PTK7: variants seen among roughly 807,000 people sequenced by gnomAD.
PTK7 encodes protein tyrosine kinase 7 (inactive).
PTK7 carries 39 observed loss-of-function variants against 116.6 expected under a neutral mutation model. The ratio of observed to expected loss-of-function variants is 0.33; its 90% confidence interval spans 0.26 to 0.44. PTK7 has a LOEUF of 0.44. PTK7 is among the 20% of genes least tolerant of loss of function. The probability of loss-of-function intolerance (pLI) is 1.00; values close to 1 mark genes in which losing one functional copy is unlikely to be tolerated. For missense variants in PTK7, 1,169 were observed against 1,425.6 expected, an observed-to-expected ratio of 0.82 and a Z score of 2.90; for synonymous variants, 546 against 563.6, an observed-to-expected ratio of 0.97 and a Z score of 0.44.
chr6:43,129,894 G>C lies in PTK7; in HGVS notation c.470+65G>C. The C allele has an allele frequency of 6.7e-7, 1 of 1,482,510 alleles. No individual in the cohort carries two copies. Among genetic ancestry groups the C allele is most frequent in the South Asian group, 1.2e-5 (1 of 86,832 alleles). 91.8% of individuals were successfully genotyped at this position (1,482,510 alleles called of 1,614,324 possible). ...GGACAGGGATGTCTCCCCAAATCTT[G>C]GACTCTATGCGGATGTTACCTCGCT... On this transcript the variant is annotated intron_variant, in intron 3 of 19. Transcript: ENST00000230419. The surrounding 1 kb of genome is among the most constrained non-coding windows in gnomAD (Gnocchi z 4.5).
chr6:43,078,354 T>C (rs1766176333), intron 1 of PTK7, among the ~76,000 whole-genome samples: 1 of 152,014 alleles, frequency 6.6e-6, no homozygotes, highest in African/African-American at 2.4e-5. Flanking sequence ...GGTGGGGGGA[T>C]GTCTTGTGCT....
chr6:43,140,082 A>G (rs1221665608), intron 10 of PTK7, among the ~76,000 whole-genome samples: 1 of 151,546 alleles, frequency 6.6e-6, no homozygotes, highest in Non-Finnish European at 1.5e-5. Context: ...CCATTGCACC[A>G]GAGTCTGGCT....
chr6:43,108,653 C>G (rs144566792), intron 1 of PTK7, among the ~76,000 whole-genome samples: 2 of 151,476 alleles, frequency 1.3e-5, no homozygotes, highest in Non-Finnish European at 2.9e-5. Flanking sequence ...CCACCCGCCT[C>G]GGCCTCCCAA....
chr6:43,116,512 C>G (rs1168818007), intron 1 of PTK7, among the ~76,000 whole-genome samples: 2 of 152,026 alleles, frequency 1.3e-5, no homozygotes, highest in African/African-American at 4.8e-5. Flanking sequence ...GAGACTGATT[C>G]TTTCTCTTAT....
Position 43,132,496 on chromosome 6 carries a change from C to T in PTK7, c.1037C>T (p.Pro346Leu), listed in dbSNP as rs769623531. 8.1e-6 allele frequency: 13 copies of T among 1,610,324 alleles called. No homozygotes were observed. Among genetic ancestry groups the T allele is most frequent in the Admixed American group, 3.3e-5 (2 of 59,880 alleles). Residue 346 changes from proline to leucine, a missense_variant, in exon 7 of 20, where the codon CCC becomes CTC. Coordinates refer to ENST00000230419, the MANE Select transcript of PTK7 (RefSeq NM_002821.5). Reference protein sequence around the residue: ...GSEERVTCLPPKGLPEPSVWW... With the variant: ...GSEERVTCLPLKGLPEPSVWW... Reference sequence around the variant, plus strand: ...GAGGAGCGTGTGACCTGCCTTCCCCCCAAGGGTCTGCCAGAGCCCAGCGTG... The same window carrying T: ...GAGGAGCGTGTGACCTGCCTTCCCCTCAAGGGTCTGCCAGAGCCCAGCGTG...
At chr6:43,148,448 T>C (rs1385711829) in intron 17 of PTK7, among the ~76,000 whole-genome samples, 1 of 152,112 alleles carries the variant, frequency 6.6e-6, no homozygotes, top group Admixed American at 6.5e-5. Context: ...AACAAAGAAG[T>C]CTTCCTAGTA....
intron 6 of PTK7, 112 bp from the exon 7 acceptor site, chr6:43,132,309 G>A: frequency 6.7e-7 from 1 of 1,492,144 alleles, no homozygotes; most frequent in Non-Finnish European, 9.0e-7. Context: ...ATATGCAGAG[G>A]GCTGCAGGGG....
intron 7 of PTK7, among the ~76,000 whole-genome samples, chr6:43,137,997 C>T (rs904229228): frequency 1.3e-4 from 20 of 151,794 alleles, no homozygotes; most frequent in Non-Finnish European, 1.5e-4. Flanking sequence ...TTAGTAGAGA[C>T]GGGGTTTCAC....
intron 1 of PTK7, among the ~76,000 whole-genome samples, chr6:43,118,651 C>CTATA (rs1768726843): frequency 6.0e-5 from 5 of 82,684 alleles, no homozygotes; most frequent in Middle Eastern, 5.3e-3. Context: ...CTCTCTCTCT[C>CTATA]TCTCTCTCTA....
rs1770432045 is a variant in PTK7 at position 43,141,871 on chromosome 6, G to A, written c.1768+54G>A. On this transcript the variant is annotated intron_variant, in intron 11 of 19. Coordinates refer to ENST00000230419, the MANE Select transcript of PTK7 (RefSeq NM_002821.5). The surrounding 1 kb of genome is among the most constrained non-coding windows in gnomAD (Gnocchi z 4.9). ...GGAGGGCCCTCTGGGGTAGCACCGT[G>A]TACCCTGCCAGCCCCTTGGCTTACC... The A allele has an allele frequency of 6.2e-7, 1 of 1,600,900 alleles. No homozygotes were observed.
At chr6:43,137,795 ATTG>A (rs1486047130) in intron 7 of PTK7, among the ~76,000 whole-genome samples, 2 of 151,900 alleles carry the variant, frequency 1.3e-5, no homozygotes, top group Non-Finnish European at 2.9e-5. Flanking sequence ...TTTTTTTATT[ATTG>A]TTATTATTAT....
At chr6:43,116,604 TTGTGTGTGTGTG>T (rs751605217) in intron 1 of PTK7, among the ~76,000 whole-genome samples, 2,710 of 119,130 alleles carry the variant, frequency 0.023, 54 homozygotes, top group African/African-American at 0.042. Flanking sequence ...AAAAGCTGGT[TTGTGTGTGTGTG>T]TGTGTGTGTG....
At chr6:43,131,030 CACACACACACA>C (rs1769645351) in intron 5 of PTK7, among the ~76,000 whole-genome samples, 3 of 9,108 alleles carry the variant, frequency 3.3e-4, no homozygotes, top group African/African-American at 1.1e-3. Context: ...GCAAAGACAT[CACACACACACA>C]CACACACACA....
chr6:43,098,555 C>T (rs1767380790), intron 1 of PTK7, among the ~76,000 whole-genome samples: 2 of 151,876 alleles, frequency 1.3e-5, no homozygotes, highest in African/African-American at 2.4e-5. Flanking sequence ...GGGGTTTTGC[C>T]GTGTTGTCTA....
intron 17 of PTK7, among the ~76,000 whole-genome samples, chr6:43,148,979 A>T (rs1243508564): frequency 6.7e-6 from 1 of 150,064 alleles, no homozygotes; most frequent in Admixed American, 6.7e-5. Context: ...GAATCACTTG[A>T]ACCCGGGAGA....
At chr6:43,155,712 A>G (rs887857163) in intron 17 of PTK7, among the ~76,000 whole-genome samples, 11 of 152,140 alleles carry the variant, frequency 7.2e-5, no homozygotes, top group Admixed American at 2.0e-4. Flanking sequence ...ATATATTCAC[A>G]TTGGCTCAAA....
At chr6:43,093,505 A>T (rs148240560) in intron 1 of PTK7, among the ~76,000 whole-genome samples, 52 of 152,190 alleles carry the variant, frequency 3.4e-4, no homozygotes, top group African/African-American at 1.2e-3. Flanking sequence ...GCACACAGTA[A>T]ATGTCAGGAG....
intron 1 of PTK7, among the ~76,000 whole-genome samples, chr6:43,102,833 A>G (rs1767661594): frequency 6.6e-6 from 1 of 152,234 alleles, no homozygotes; most frequent in Non-Finnish European, 1.5e-5. Context: ...ATAATGCTAT[A>G]AGAAAGAATA....
intron 1 of PTK7, among the ~76,000 whole-genome samples, chr6:43,077,958 T>A (rs1016079614): frequency 1.3e-5 from 2 of 152,236 alleles, no homozygotes; most frequent in Non-Finnish European, 2.9e-5. Flanking sequence ...CGTGGCAGAA[T>A]CCACATCTGC....
Sources: allele counts gnomAD v4.1 joint callset (sites outside exome capture counted in the v4.1 genomes callset), GRCh38; gene constraint gnomAD v4.1.1; non-coding constraint Gnocchi (gnomAD v3.1); transcripts MANE v1.5; gene names NCBI Gene and HGNC (gene_info 2026-07-23, HGNC 2026-07-21).